The following RNF150 variants were observed in gnomAD, a reference collection of about 807,000 sequenced individuals.
RNF150 encodes ring finger protein 150.
In RNF150, 24 loss-of-function variants were observed where a neutral mutation model predicts 39.3. The observed-to-expected ratio is 0.61, with a 90% CI of 0.44 to 0.86. The LOEUF (loss-of-function observed/expected upper bound fraction) is 0.86, where lower values mean the gene tolerates loss of function less well. Ranked by LOEUF, RNF150 falls within the 40% of genes least tolerant of loss-of-function variation. The pLI is 0.00. For synonymous variants in RNF150, 255 were observed against 227.3 expected, an observed-to-expected ratio of 1.12 and a Z score of -1.10; for missense variants, 502 against 587.8, an observed-to-expected ratio of 0.85 and a Z score of 1.51.
chr4:140,943,052 C>T (rs895197200), intron 4 of RNF150, among the ~76,000 whole-genome samples: 1 of 152,180 alleles, frequency 6.6e-6, no homozygotes, highest in African/African-American at 2.4e-5. Flanking sequence ...GGGGCCAGGA[C>T]ACCTCCCTGT....
At chr4:141,043,108 CA>C (rs1281764531) in intron 1 of RNF150, among the ~76,000 whole-genome samples, 1 of 151,944 alleles carries the variant, frequency 6.6e-6, no homozygotes, top group East Asian at 1.9e-4. Context: ...TCAGTATGTA[CA>C]AAAAAATTCA....
intron 5 of RNF150, among the ~76,000 whole-genome samples, chr4:140,911,845 T>C (rs1203664738): frequency 6.6e-6 from 1 of 152,158 alleles, no homozygotes; most frequent in Non-Finnish European, 1.5e-5. Flanking sequence ...TCATTAAAGA[T>C]ACATACATAC....
chr4:141,043,043 A>G (rs998765093), intron 1 of RNF150, among the ~76,000 whole-genome samples: 1 of 152,146 alleles, frequency 6.6e-6, no homozygotes, highest in African/African-American at 2.4e-5. Context: ...TCAGTGATCA[A>G]GTCATTTGTG....
chr4:141,143,174 A>T (rs933332165), intron 1 of RNF150, among the ~76,000 whole-genome samples: 4 of 152,174 alleles, frequency 2.6e-5, no homozygotes, highest in Non-Finnish European at 5.9e-5. Context: ...CTGGTCAGGT[A>T]TCTCATCTTT....
chr4:141,110,259 C>T (rs1346124979), intron 1 of RNF150, among the ~76,000 whole-genome samples: 1 of 152,176 alleles, frequency 6.6e-6, no homozygotes, highest in Admixed American at 6.5e-5. Flanking sequence ...AAGGCACCAG[C>T]AGACCCGAGA....
intron 4 of RNF150, among the ~76,000 whole-genome samples, chr4:140,935,492 G>A (rs1190333175): frequency 6.6e-6 from 1 of 152,050 alleles, no homozygotes; most frequent in African/African-American, 2.4e-5. Flanking sequence ...TATTTAACGA[G>A]GTTATTACAG....
chr4:141,000,023 G>GAAAAGAAGAAAAGAAGAA (rs1379824023), intron 1 of RNF150, among the ~76,000 whole-genome samples: 9 of 30,852 alleles, frequency 2.9e-4, no homozygotes, highest in East Asian at 6.6e-4. Context: ...AGAAGAAGAA[G>GAAAAGAAGAAAAGAAGAA]AAGAAGAAGA....
At chr4:140,908,713 T>C (rs547124848) in intron 6 of RNF150, among the ~76,000 whole-genome samples, 1 of 152,306 alleles carries the variant, frequency 6.6e-6, no homozygotes, top group African/African-American at 2.4e-5. Context: ...TATATGGATA[T>C]AGATCATAAT....
chr4:140,861,416 A>T lies in RNF150; in HGVS notation c.*6845T>A, dbSNP rs2111159803. ...TTAGAGTTTGTGACACTCTTTCCTCATTTGATAAATGTAGACCAAATTCTC... is the reference window on the plus strand; with the variant it reads ...TTAGAGTTTGTGACACTCTTTCCTCTTTTGATAAATGTAGACCAAATTCTC... On this transcript the variant is annotated 3_prime_UTR_variant, in exon 7 of 7. Transcript: ENST00000515673. 1 of 152,320 alleles carries T rather than the reference A, an allele frequency of 6.6e-6. No individual in the cohort carries two copies. Among genetic ancestry groups the T allele is most frequent in the Non-Finnish European group, 1.5e-5 (1 of 68,022 alleles). The allele number at this position is 152,320 out of a possible 1,614,324, so 9.4% of individuals were successfully genotyped here. A position where few individuals can be genotyped will look rare whatever the true frequency, so the allele number is the denominator to read the frequency against.
chr4:140,915,087 T>G (rs1051011542), intron 5 of RNF150, among the ~76,000 whole-genome samples: 1 of 152,212 alleles, frequency 6.6e-6, no homozygotes, highest in Non-Finnish European at 1.5e-5. Context: ...TACGATTGTG[T>G]AACTGCCAGC....
At chr4:140,969,529 C>A (rs1364880) in intron 1 of RNF150, among the ~76,000 whole-genome samples, 68,714 of 151,880 alleles carry the variant, frequency 0.45, 16,521 homozygotes, top group East Asian at 0.74. Context: ...GAAACATGAT[C>A]TTCTTTGTAT....
intron 6 of RNF150, among the ~76,000 whole-genome samples, chr4:140,906,340 A>G: frequency 6.6e-6 from 1 of 152,312 alleles, no homozygotes; most frequent in South Asian, 2.1e-4. Context: ...ATATACAAAT[A>G]AAAATAATAT....
intron 1 of RNF150, among the ~76,000 whole-genome samples, chr4:140,991,581 T>C (rs1234670892): frequency 6.6e-6 from 1 of 152,130 alleles, no homozygotes; most frequent in Non-Finnish European, 1.5e-5. Context: ...TGCCAACACA[T>C]TACAACCATA....
chr4:140,903,986 T>C (rs1007390180), intron 6 of RNF150, among the ~76,000 whole-genome samples: 1 of 152,210 alleles, frequency 6.6e-6, no homozygotes, highest in African/African-American at 2.4e-5. Context: ...TGGGCTTTCT[T>C]GGATTGGCAA....
At chr4:141,125,305 T>A (rs28628800) in intron 1 of RNF150, among the ~76,000 whole-genome samples, 1 of 151,670 alleles carries the variant, frequency 6.6e-6, no homozygotes, top group African/African-American at 2.4e-5. Context: ...AAATTGCAAC[T>A]TAGTAGAAGA....
At chr4:141,020,737 T>C (rs1735461124) in intron 1 of RNF150, among the ~76,000 whole-genome samples, 2 of 152,196 alleles carry the variant, frequency 1.3e-5, no homozygotes, top group Non-Finnish European at 2.9e-5. Flanking sequence ...TGCTAGACCA[T>C]GTACCATTTC....
At chr4:141,128,819 G>C (rs960710846) in intron 1 of RNF150, among the ~76,000 whole-genome samples, 1 of 152,078 alleles carries the variant, frequency 6.6e-6, no homozygotes, top group African/African-American at 2.4e-5. Context: ...ATAATGGTGG[G>C]TGTAAGGTGA....
At position 140,970,205 on chromosome 4, in the gene RNF150, CT is replaced by C. The variant is rs1165526297; in HGVS notation, c.485-2333del. Among the ~76,000 whole-genome samples the C allele has an allele frequency of 2.6e-5, 4 of 152,262 alleles. No homozygotes were observed. The East Asian group carries it at 7.7e-4, about 29-fold the overall frequency. ...AAAATAGCTTCTCAAAACCTTACAG[CT>C]TTACTTTTTACATTTAAATCTTGAG... On this transcript the variant is annotated intron_variant, in intron 1 of 6. Coordinates refer to ENST00000515673, the MANE Select transcript of RNF150 (RefSeq NM_020724.2).
intron 1 of RNF150, among the ~76,000 whole-genome samples, chr4:141,084,252 C>T (rs1478755469): frequency 6.6e-6 from 1 of 152,096 alleles, no homozygotes; most frequent in Non-Finnish European, 1.5e-5. Context: ...TATAATTCAC[C>T]CGGATTTGTA....
Sources: gnomAD v4.1 joint callset for allele counts (sites outside exome capture counted in the v4.1 genomes callset) on GRCh38, gnomAD v4.1.1 for gene constraint, MANE v1.5 for transcripts, NCBI Gene and HGNC (gene_info 2026-07-23, HGNC 2026-07-21) for gene names.